Variants in LRGUK observed in about 807,000 individuals in gnomAD.
LRGUK encodes the protein leucine rich repeats and guanylate kinase domain containing, also known as leucine-rich repeat and guanylate kinase domain-containing protein.
In LRGUK, 65 loss-of-function variants were observed where a neutral mutation model predicts 76.0. The ratio of observed to expected loss-of-function variants is 0.85; its 90% CI spans 0.70 to 1.05. The LOEUF (loss-of-function observed/expected upper bound fraction) is 1.05. Ranked by LOEUF, LRGUK falls within the 50% of genes least tolerant of loss-of-function variation. The pLI, the probability that LRGUK is intolerant of heterozygous loss-of-function variation, is 0.00. For synonymous variants in LRGUK, 268 were observed against 265.6 expected (o/e 1.01, Z -0.09); for missense variants, 758 against 732.8 (o/e 1.03, Z -0.40).
intron 16 of LRGUK, among the ~76,000 whole-genome samples, chr7:134,226,218 ATGTGTGTGTGTGTGTGTGTG>A (rs57035440): frequency 0.085 from 12,090 of 141,772 alleles, 908 homozygotes; most frequent in East Asian, 0.4. Context: ...CCCATCTCCA[ATGTGTGTGTGTGTGTGTGTG>A]TGTGTGTGTG....
At chr7:134,233,507 G>A (rs529380934) in intron 16 of LRGUK, among the ~76,000 whole-genome samples, 8 of 152,248 alleles carry the variant, frequency 5.3e-5, no homozygotes, top group African/African-American at 1.7e-4. Context: ...CTGTATGAAG[G>A]GGAAATGAGA....
At chr7:134,175,790 A>C (rs1219033783) in intron 8 of LRGUK, among the ~76,000 whole-genome samples, 1 of 152,186 alleles carries the variant, frequency 6.6e-6, no homozygotes, top group Non-Finnish European at 1.5e-5. Context: ...ATGGCTTCTT[A>C]CTACAAAAAC....
At chr7:134,227,425 G>C (rs1198448208) in intron 16 of LRGUK, among the ~76,000 whole-genome samples, 3 of 152,086 alleles carry the variant, frequency 2.0e-5, no homozygotes, top group African/African-American at 7.2e-5. Flanking sequence ...GATGTCCCTA[G>C]GTCCATGGCA....
At chr7:134,213,455 C>G (rs1324021558), downstream of LRGUK, among the ~76,000 whole-genome samples, 2 of 152,170 alleles carry the variant, frequency 1.3e-5, no homozygotes, top group Non-Finnish European at 2.9e-5. Context: ...AAATTAAGAT[C>G]ATTACCCATT....
intron 1 of LRGUK, among the ~76,000 whole-genome samples, chr7:134,129,241 CCTCCCTCCCTCTCTCT>C (rs1361867394): frequency 1.5e-5 from 2 of 130,736 alleles, no homozygotes; most frequent in African/African-American, 2.9e-5. Context: ...CCTTCCTTTC[CCTCCCTCCCTCTCTCT>C]CTCCCTCCCT....
At chr7:134,166,006 C>T (rs1013216965) in intron 7 of LRGUK, among the ~76,000 whole-genome samples, 1 of 152,130 alleles carries the variant, frequency 6.6e-6, no homozygotes, top group African/African-American at 2.4e-5. Flanking sequence ...TAACAATCAC[C>T]TAATTCCCCG....
downstream of LRGUK, chr7:134,210,359 T>C: frequency 2.5e-6 from 1 of 398,102 alleles, no homozygotes; most frequent in East Asian, 3.6e-5. Flanking sequence ...AGCCATCACC[T>C]AAGACCCCCA....
chr7:134,274,630 A>C, the LRGUK span, among the ~76,000 whole-genome samples: 1 of 152,130 alleles, frequency 6.6e-6, no homozygotes, highest in East Asian at 1.9e-4. Context: ...GTTTTTTGCT[A>C]TATAAATTTT....
intron 3 of LRGUK, among the ~76,000 whole-genome samples, chr7:134,142,799 C>G (rs1009559151): frequency 1.3e-5 from 2 of 152,210 alleles, no homozygotes; most frequent in Admixed American, 6.5e-5. Context: ...GGATTGGTTA[C>G]TTGGCTGCCC....
At chr7:134,147,891 C>A (rs1482071118) in intron 4 of LRGUK, among the ~76,000 whole-genome samples, 2 of 151,994 alleles carry the variant, frequency 1.3e-5, no homozygotes. Flanking sequence ...GGAACCCCAT[C>A]TCTACTAAAA....
At chr7:134,274,755 T>A in the LRGUK span, among the ~76,000 whole-genome samples, 240 of 152,292 alleles carry the variant, frequency 1.6e-3, 1 homozygote, top group African/African-American at 5.6e-3. Flanking sequence ...TGAATTGTTT[T>A]TGCTTTGAAC....
At position 134,199,131 on chromosome 7, in the gene LRGUK, C is replaced by A. The variant is rs59677270; in HGVS notation, c.1546-89C>A. 2,875 of 948,262 alleles carry A rather than the reference C, an allele frequency of 3.0e-3. 63 individuals are homozygous for A. The African/African-American group carries it at 0.042, about 14-fold the overall frequency. The allele number at this position is 948,262 out of a possible 1,614,324, so 58.7% of individuals were successfully genotyped here. Reference sequence around the variant, plus strand: ...ATTCTTCAATATATTAATAATACTACTTCTTATACCCATGTTGTCAGATGG... The same window carrying A: ...ATTCTTCAATATATTAATAATACTAATTCTTATACCCATGTTGTCAGATGG... On this transcript the variant is annotated intron_variant, in intron 13 of 15. Coordinates refer to ENST00000645682, the Ensembl canonical transcript of LRGUK.
Position 134,244,000 on chromosome 7 carries a change from T to C in LRGUK, c.1984-3556T>C, listed in dbSNP as rs577518528. ...GTGCTGGGAAAACTGGCTAGCCATA[T>C]GTAGAAAGCTGAAACTGAATCTCTT... On this transcript the variant is annotated intron_variant, in intron 16 of 19. Transcript: ENST00000285928. Among the ~76,000 whole-genome samples, 104 of 152,330 alleles carry C rather than the reference T, an allele frequency of 6.8e-4. 1 individual carries two copies. Among genetic ancestry groups the C allele is most frequent in the African/African-American group, 2.4e-3 (98 of 41,578 alleles).
intron 1 of LRGUK, among the ~76,000 whole-genome samples, chr7:134,133,735 G>T (rs1156242119): frequency 6.6e-6 from 1 of 152,124 alleles, no homozygotes; most frequent in Non-Finnish European, 1.5e-5. Flanking sequence ...AGGGAACAAG[G>T]ATCAGAGACT....
intron 3 of LRGUK, among the ~76,000 whole-genome samples, chr7:134,141,141 C>G (rs1297569973): frequency 1.3e-5 from 2 of 152,206 alleles, no homozygotes; most frequent in African/African-American, 4.8e-5. Flanking sequence ...TCAGTCCTCA[C>G]TAACCTTGGA....
chr7:134,148,516 G>A (rs1208614669), intron 5 of LRGUK, among the ~76,000 whole-genome samples, 197 bp downstream of exon 5: 2 of 152,158 alleles, frequency 1.3e-5, no homozygotes, highest in Non-Finnish European at 2.9e-5. Context: ...ATGAAACTGT[G>A]AGTCAAAGCT....
intron 10 of LRGUK, among the ~76,000 whole-genome samples, chr7:134,182,218 C>T (rs985805559): frequency 4.6e-5 from 7 of 152,300 alleles, no homozygotes; most frequent in East Asian, 3.9e-4. Context: ...CATTCCATGG[C>T]GTGAAAGTAT....
rs1037814948 is a variant in LRGUK at position 134,142,442 on chromosome 7, G to T, written c.488-620G>T. Among the ~76,000 whole-genome samples, 22 of 152,200 alleles carry T rather than the reference G, an allele frequency of 1.4e-4. 1 individual carries two copies. The highest frequency in any genetic ancestry group is 5.3e-4 in the African/African-American group (22 of 41,460). On this transcript the variant is annotated intron_variant, in intron 3 of 15. Transcript: ENST00000645682. ...TTAGCACAGTAGTTCTTTACTTAGT[G>T]TTCAAGATTCAAAGTGTGTGCTTGG... is the stretch of plus-strand genomic sequence containing the variant.
chr7:134,274,945 T>C, the LRGUK span, among the ~76,000 whole-genome samples: 1 of 152,180 alleles, frequency 6.6e-6, no homozygotes, highest in Non-Finnish European at 1.5e-5. Context: ...TTATTTTTCA[T>C]ACTAAGTTCA....
Sources: allele counts gnomAD v4.1 joint callset (sites outside exome capture counted in the v4.1 genomes callset), GRCh38; gene constraint gnomAD v4.1.1; transcripts MANE v1.5; gene names NCBI Gene and HGNC (gene_info 2026-07-23, HGNC 2026-07-21).